CCSER1: variants seen among roughly 807,000 people sequenced by gnomAD.
CCSER1 encodes serine-rich coiled-coil domain-containing protein 1.
CCSER1 carries 41 observed loss-of-function variants against 82.0 expected under a neutral mutation model. The ratio of observed to expected loss-of-function variants is 0.50; its 90% CI spans 0.39 to 0.65. CCSER1 has a LOEUF of 0.65. Among genes scored for constraint, CCSER1 ranks in the 30% least tolerant of loss-of-function variants. CCSER1 has a pLI of 0.00. For synonymous variants in CCSER1, 414 were observed against 383.9 expected (o/e 1.08, Z -0.92); for missense variants, 1,119 against 1,064.2 (o/e 1.05, Z -0.72).
At chr4:91,169,328 A>C (rs1422555306) in intron 10 of CCSER1, among the ~76,000 whole-genome samples, 1 of 152,092 alleles carries the variant, frequency 6.6e-6, no homozygotes, top group Non-Finnish European at 1.5e-5. Flanking sequence ...TTGAAGACTA[A>C]ACTTGTATTT....
intron 8 of CCSER1, among the ~76,000 whole-genome samples, chr4:90,823,282 C>T (rs1390126223): frequency 6.6e-6 from 1 of 152,022 alleles, no homozygotes; most frequent in Non-Finnish European, 1.5e-5. Flanking sequence ...TTTCAATTAT[C>T]ACATTTTTTT....
intron 8 of CCSER1, among the ~76,000 whole-genome samples, chr4:90,830,900 A>G (rs1240560185): frequency 1.3e-5 from 2 of 152,152 alleles, no homozygotes; most frequent in African/African-American, 4.8e-5. Context: ...TAACACTAAT[A>G]TAACAGATAT....
intron 6 of CCSER1, among the ~76,000 whole-genome samples, chr4:90,705,932 G>A (rs1580054570): frequency 2.6e-5 from 4 of 152,176 alleles, no homozygotes; most frequent in South Asian, 4.1e-4. Context: ...GGGGTCAGGC[G>A]ATGCCTTGCC....
intron 7 of CCSER1, among the ~76,000 whole-genome samples, chr4:90,750,616 T>C (rs1459541442): frequency 6.6e-6 from 1 of 152,170 alleles, no homozygotes; most frequent in African/African-American, 2.4e-5. Flanking sequence ...CTTAAAATGC[T>C]CCTCTCTTTA....
intron 10 of CCSER1, among the ~76,000 whole-genome samples, chr4:91,094,726 C>T (rs1724326795): frequency 6.6e-6 from 1 of 152,080 alleles, no homozygotes; most frequent in Non-Finnish European, 1.5e-5. Context: ...TGTCCTCCGC[C>T]CATACTCAGG....
intron 10 of CCSER1, among the ~76,000 whole-genome samples, chr4:91,231,090 A>AT (rs1317625185): frequency 6.6e-6 from 1 of 151,916 alleles, no homozygotes; most frequent in African/African-American, 2.4e-5. Context: ...TAGCTACCAT[A>AT]TTAATGAGAA....
chr4:90,291,302 C>A (rs1248688089), intron 1 of CCSER1, among the ~76,000 whole-genome samples: 2 of 151,878 alleles, frequency 1.3e-5, no homozygotes, highest in Admixed American at 6.6e-5. Context: ...CATTTATTAT[C>A]CTCAAAAAAC....
chr4:90,656,198 C>T (rs1050586324), intron 6 of CCSER1, among the ~76,000 whole-genome samples: 10 of 151,842 alleles, frequency 6.6e-5, no homozygotes, highest in African/African-American at 2.4e-4. Flanking sequence ...TAAATGCTCT[C>T]AATAAAAGAT....
chr4:90,547,245 GAAAA>G (rs200944422), intron 5 of CCSER1, among the ~76,000 whole-genome samples: 10 of 148,832 alleles, frequency 6.7e-5, no homozygotes, highest in Non-Finnish European at 4.5e-5. Flanking sequence ...ATAAAAAAAA[GAAAA>G]AAAAAGGTGA....
At chr4:90,157,044 C>A in intron 1 of CCSER1, among the ~76,000 whole-genome samples, 1 of 152,182 alleles carries the variant, frequency 6.6e-6, no homozygotes, top group Admixed American at 6.5e-5. Context: ...GTGCTTCCTT[C>A]AGGAGCTCTT....
intron 5 of CCSER1, among the ~76,000 whole-genome samples, chr4:90,507,307 C>CAA (rs370681733): frequency 0.012 from 1,457 of 118,188 alleles, 18 homozygotes; most frequent in African/African-American, 0.032. Flanking sequence ...CTGAAAAATG[C>CAA]AAAAAAAAAA....
At chr4:90,521,642 T>G (rs1050228756) in intron 5 of CCSER1, among the ~76,000 whole-genome samples, 1 of 152,066 alleles carries the variant, frequency 6.6e-6, no homozygotes, top group Non-Finnish European at 1.5e-5. Context: ...ATTCCTCTCT[T>G]CAGGTTAGAG....
intron 10 of CCSER1, among the ~76,000 whole-genome samples, chr4:91,520,966 C>A (rs1760430812): frequency 6.6e-6 from 1 of 151,882 alleles, no homozygotes; most frequent in South Asian, 2.1e-4. Context: ...ATACATGTGT[C>A]ATGTTGGTTT....
In CCSER1 at chr4:90,611,841, A is replaced by C. The variant is rs547874733; in HGVS notation, c.1725-16184A>C. Among the ~76,000 whole-genome samples the C allele has an allele frequency of 1.7e-3, 261 of 150,108 alleles. 1 individual carries two copies. The highest frequency in any genetic ancestry group is 6.1e-3 in the African/African-American group (251 of 41,176). Reference sequence around the variant, plus strand: ...AGCTTATTTCTGTTATCCTCAAAATAAAACCACTCACGTGGCATGAAAAGG... The same window carrying C: ...AGCTTATTTCTGTTATCCTCAAAATCAAACCACTCACGTGGCATGAAAAGG... On this transcript the variant is annotated intron_variant, in intron 5 of 10. Coordinates refer to ENST00000509176, the MANE Select transcript of CCSER1 (RefSeq NM_001145065.2).
At chr4:90,685,710 T>C (rs1302341026) in intron 6 of CCSER1, among the ~76,000 whole-genome samples, 3 of 152,140 alleles carry the variant, frequency 2.0e-5, no homozygotes, top group Non-Finnish European at 4.4e-5. Context: ...CTTTTGGTAA[T>C]TGGAAAACAG....
intron 7 of CCSER1, among the ~76,000 whole-genome samples, chr4:90,783,180 A>G (rs577949580): frequency 6.6e-6 from 1 of 152,252 alleles, no homozygotes; most frequent in East Asian, 1.9e-4. Context: ...TTCTTCTCTA[A>G]AAGCTAAAAA....
chr4:91,346,817 T>G, intron 10 of CCSER1, among the ~76,000 whole-genome samples: 1 of 152,244 alleles, frequency 6.6e-6, no homozygotes, highest in Non-Finnish European at 1.5e-5. Flanking sequence ...TTTGCCCATT[T>G]TAAATTATAT....
At chr4:90,646,197 A>G (rs1378896110) in intron 6 of CCSER1, among the ~76,000 whole-genome samples, 2 of 152,290 alleles carry the variant, frequency 1.3e-5, no homozygotes, top group East Asian at 1.9e-4. Context: ...ATCTCTGTGC[A>G]TATAGCAAAA....
rs887244059 is a variant in CCSER1 at position 90,608,729 on chromosome 4, G to C, written c.1725-19296G>C. 6.6e-5 allele frequency among the ~76,000 whole-genome samples: 10 copies of C among 152,116 alleles called. No homozygotes were observed. The South Asian group carries it at 1.2e-3, about 19-fold the overall frequency. ...CTAATATGTATAATATTCTGATCTA[G>C]AAAATAATATATTCTCACTTCTTAT... On this transcript the variant is annotated intron_variant, in intron 5 of 10. Coordinates refer to ENST00000509176, the MANE Select transcript of CCSER1 (RefSeq NM_001145065.2).
Sources: gnomAD v4.1 joint callset for allele counts (sites outside exome capture counted in the v4.1 genomes callset) on GRCh38, gnomAD v4.1.1 for gene constraint, MANE v1.5 for transcripts, NCBI Gene and HGNC (gene_info 2026-07-23, HGNC 2026-07-21) for gene names.